Variants in CELSR1 observed in about 807,000 individuals in gnomAD.
The protein encoded by CELSR1 is adhesion G protein-coupled receptor C1.
In CELSR1, 110 loss-of-function variants were observed where a neutral mutation model predicts 249.1. That is an observed-to-expected ratio of 0.44 (90% CI 0.38 to 0.52). The LOEUF is 0.52. Ranked by LOEUF, CELSR1 falls within the 20% of genes least tolerant of loss-of-function variation. CELSR1 has a pLI of 0.00. For missense variants in CELSR1, 4,109 were observed against 4,296.4 expected (o/e 0.96, Z 1.22); for synonymous variants, 2,113 against 1,900.0 (o/e 1.11, Z -2.92).
chr22:46,415,502 C>T (rs2079389425), intron 5 of CELSR1, among the ~76,000 whole-genome samples: 1 of 152,088 alleles, frequency 6.6e-6, no homozygotes, highest in Admixed American at 6.6e-5. Context: ...TATTGGTTAA[C>T]TGATGGCATG....
chr22:46,521,556 C>G (rs1359326409), intron 1 of CELSR1, among the ~76,000 whole-genome samples: 1 of 151,812 alleles, frequency 6.6e-6, no homozygotes, highest in Admixed American at 6.6e-5. Context: ...TGGCTCACAC[C>G]TGTAATCCCA....
intron 30 of CELSR1, 37 bp from the exon 31 acceptor site, chr22:46,365,726 G>C: frequency 6.7e-7 from 1 of 1,498,814 alleles, no homozygotes; most frequent in Non-Finnish European, 9.1e-7. Flanking sequence ...AGTATCATCC[G>C]TCAGGGAACA....
In CELSR1 at chr22:46,364,496, CG is replaced by C; in HGVS notation, c.8779+15del. 10 of 1,600,808 alleles carry C rather than the reference CG, an allele frequency of 6.2e-6. No individual in the cohort carries two copies. Among genetic ancestry groups the C allele is most frequent in the Non-Finnish European group, 8.5e-6 (10 of 1,173,060 alleles). ...GTCCTCCAGCCTTTCACTGCAGCCCCGGCCTCCCCAGGCACCTTTCCTCTGC... is the reference window on the plus strand; with the variant it reads ...GTCCTCCAGCCTTTCACTGCAGCCCCGCCTCCCCAGGCACCTTTCCTCTGC... On this transcript the variant is annotated intron_variant, in intron 33 of 34. Coordinates refer to ENST00000674500, the MANE Select transcript of CELSR1 (RefSeq NM_001378328.1).
At chr22:46,404,025 C>G (rs561439741) in intron 9 of CELSR1, among the ~76,000 whole-genome samples, 1 of 150,652 alleles carries the variant, frequency 6.6e-6, no homozygotes, top group East Asian at 2.0e-4. Context: ...TAGATCTGGG[C>G]TGTAAACCAC....
At chr22:46,421,995 C>T (rs984668544) in intron 5 of CELSR1, among the ~76,000 whole-genome samples, 2 of 152,252 alleles carry the variant, frequency 1.3e-5, no homozygotes, top group African/African-American at 4.8e-5. Flanking sequence ...CCTGCATGGC[C>T]ACCTCCTTTA....
intron 20 of CELSR1, 133 bp downstream of exon 20, chr22:46,384,410 G>T: frequency 9.6e-7 from 1 of 1,045,228 alleles, no homozygotes; most frequent in Non-Finnish European, 1.3e-6. Flanking sequence ...AACAGGACCT[G>T]GCACCAGAGA....
chr22:46,430,511 T>C lies in CELSR1; in HGVS notation c.4611+2882A>G, dbSNP rs1019167681. On this transcript the variant is annotated intron_variant, in intron 5 of 34. Coordinates refer to ENST00000674500, the MANE Select transcript of CELSR1 (RefSeq NM_001378328.1). This position sits in a 1 kb window ranked among gnomAD's most constrained non-coding sequence, Gnocchi z 4.6. The stretch of plus-strand genomic sequence containing the variant: ...GCCCCAGCCCTGAGCCCCTCTCAAC[T>C]GGTCATGGCCCTGGACACCCCTCAT... Among the ~76,000 whole-genome samples, 2 of 152,010 alleles carry C rather than the reference T, an allele frequency of 1.3e-5. No homozygotes were observed. Among genetic ancestry groups the C allele is most frequent in the African/African-American group, 2.4e-5 (1 of 41,388 alleles).
At chr22:46,477,442 T>A (rs2080220590) in intron 1 of CELSR1, among the ~76,000 whole-genome samples, 1 of 151,848 alleles carries the variant, frequency 6.6e-6, no homozygotes, top group South Asian at 2.1e-4. Context: ...TGTTGGGGAG[T>A]GCCGGGAACT....
rs538511370 is a variant in CELSR1, at chr22:46,447,142, C to T, written c.4184-7731G>A. Among the ~76,000 whole-genome samples, 5 of 152,128 alleles carry T rather than the reference C, an allele frequency of 3.3e-5. No homozygotes were observed. The highest frequency in any genetic ancestry group is 2.0e-4 in the Admixed American group (3 of 15,282). On this transcript the variant is annotated intron_variant, in intron 2 of 34. Transcript: ENST00000674500. This position sits in a 1 kb window ranked among gnomAD's most constrained non-coding sequence, Gnocchi z 4.7. ...ACCCTCAGGGAGAATCCTGAATTGGCGGCATTTGTAAACACTCCCACCAAG... is the reference window on the plus strand; with the variant it reads ...ACCCTCAGGGAGAATCCTGAATTGGTGGCATTTGTAAACACTCCCACCAAG...
rs1477637775 is a variant in CELSR1 at position 46,396,528 on chromosome 22, A to T, written c.5843+77T>A. ...CACATATCTTTGGGTCAAAATAAGA[A>T]AGAGAAGACACTGAGTCGAGGGAAC... On this transcript the variant is annotated intron_variant, in intron 13 of 34. Coordinates refer to ENST00000674500, the MANE Select transcript of CELSR1 (RefSeq NM_001378328.1). The surrounding 1 kb of genome is among the most constrained non-coding windows in gnomAD (Gnocchi z 6.4). The T allele has an allele frequency of 4.4e-6, 6 of 1,370,510 alleles. No homozygotes were observed. In the African/African-American group the frequency reaches 9.0e-5, roughly 21 times the overall value. The allele number at this position is 1,370,510 out of a possible 1,614,324, so 84.9% of individuals were successfully genotyped here.
intron 2 of CELSR1, among the ~76,000 whole-genome samples, chr22:46,456,661 T>TAAAA (rs556357746): frequency 1.2e-4 from 7 of 60,270 alleles, no homozygotes; most frequent in African/African-American, 3.5e-4. Flanking sequence ...AGACTCTGTC[T>TAAAA]AAAAAAAAAA....
intron 1 of CELSR1, among the ~76,000 whole-genome samples, chr22:46,485,710 G>C (rs969321763): frequency 2.0e-5 from 3 of 152,154 alleles, no homozygotes; most frequent in African/African-American, 7.2e-5. Flanking sequence ...TTTGTGTGGC[G>C]GGGACCGTTG....
chr22:46,526,004 G>C lies in CELSR1; in HGVS notation c.3544+7623C>G, dbSNP rs1408051198. On this transcript the variant is annotated intron_variant, in intron 1 of 34. Coordinates refer to ENST00000674500, the MANE Select transcript of CELSR1 (RefSeq NM_001378328.1). The surrounding 1 kb of genome is among the most constrained non-coding windows in gnomAD (Gnocchi z 4.7). ...TTTCACCTGCCTGCTACTTCACCTAGACTTTTAAAAATGGTCTCTCAACAC... is the reference window on the plus strand; with the variant it reads ...TTTCACCTGCCTGCTACTTCACCTACACTTTTAAAAATGGTCTCTCAACAC... Among the ~76,000 whole-genome samples, 1 of 152,234 alleles carries C rather than the reference G, an allele frequency of 6.6e-6. No homozygotes were observed. Among genetic ancestry groups the C allele is most frequent in the Non-Finnish European group, 1.5e-5 (1 of 68,030 alleles).
Position 46,500,244 on chromosome 22 carries a change from A to T in CELSR1, c.3544+33383T>A, listed in dbSNP as rs1304233659. Among the ~76,000 whole-genome samples the T allele has an allele frequency of 6.6e-6, 1 of 151,932 alleles. No homozygotes were observed. Among genetic ancestry groups the T allele is most frequent in the Non-Finnish European group, 1.5e-5 (1 of 68,020 alleles). ...GGAAAGCTGGGCTCACGGTGTCTGCAGGACTCAAGGAAGGGACATAACTGC... is the reference window on the plus strand; with the variant it reads ...GGAAAGCTGGGCTCACGGTGTCTGCTGGACTCAAGGAAGGGACATAACTGC... On this transcript the variant is annotated intron_variant, in intron 1 of 34. Transcript: ENST00000674500. The surrounding 1 kb of genome is among the most constrained non-coding windows in gnomAD (Gnocchi z 4.9).
rs1490125713 is a variant in CELSR1, at chr22:46,518,496, A to C, written c.3544+15131T>G. Among the ~76,000 whole-genome samples, 2 of 152,228 alleles carry C rather than the reference A, an allele frequency of 1.3e-5. No homozygotes were observed. Among genetic ancestry groups the C allele is most frequent in the Non-Finnish European group, 2.9e-5 (2 of 68,034 alleles). On this transcript the variant is annotated intron_variant, in intron 1 of 34. Transcript: ENST00000674500. The surrounding 1 kb of genome is among the most constrained non-coding windows in gnomAD (Gnocchi z 5.2). ...GGCCTCGGTTATCTGATTTAACACGAAGAAACCAGTCACACACACAAACAT... is the reference window on the plus strand; with the variant it reads ...GGCCTCGGTTATCTGATTTAACACGCAGAAACCAGTCACACACACAAACAT...
At position 46,396,806 on chromosome 22, in the gene CELSR1, A is replaced by G. The variant is rs1056113129; in HGVS notation, c.5702-60T>C. 1.3e-5 allele frequency: 20 copies of G among 1,576,024 alleles called. No homozygotes were observed. The African/African-American group carries it at 1.5e-4, about 12-fold the overall frequency. ...AATCCACGAGACCTTCCACGTTAAA[A>G]TATCTGGAGCAACCTGTCCCCTCCA... On this transcript the variant is annotated intron_variant, in intron 12 of 34. Coordinates refer to ENST00000674500, the MANE Select transcript of CELSR1 (RefSeq NM_001378328.1). This position sits in a 1 kb window ranked among gnomAD's most constrained non-coding sequence, Gnocchi z 6.4.
intron 1 of CELSR1, among the ~76,000 whole-genome samples, chr22:46,494,652 G>A (rs1279406806): frequency 6.6e-6 from 1 of 152,056 alleles, no homozygotes; most frequent in Admixed American, 6.6e-5. Flanking sequence ...GGGATTACAG[G>A]CATGCCACCA....
At position 46,518,817 on chromosome 22, in the gene CELSR1, G is replaced by C. The variant is rs553350427; in HGVS notation, c.3544+14810C>G. Among the ~76,000 whole-genome samples the C allele has an allele frequency of 5.0e-4, 76 of 152,298 alleles. No individual in the cohort carries two copies. The highest frequency in any genetic ancestry group is 2.5e-3 in the Admixed American group (39 of 15,300). On this transcript the variant is annotated intron_variant, in intron 1 of 34. Coordinates refer to ENST00000674500, the MANE Select transcript of CELSR1 (RefSeq NM_001378328.1). This position sits in a 1 kb window ranked among gnomAD's most constrained non-coding sequence, Gnocchi z 5.2. ...GGAGGCCAAGGCGGGTGGATCACTT[G>C]AGGTCAGGAGTTCGAGACCAGCCTG...
chr22:46,454,158 CCAGGGA>C lies in CELSR1; in HGVS notation c.4183+9543_4183+9548del, dbSNP rs1431040156. 6.6e-6 allele frequency among the ~76,000 whole-genome samples: 1 copy of C among 152,052 alleles called. No individual in the cohort carries two copies. Among genetic ancestry groups the C allele is most frequent in the Non-Finnish European group, 1.5e-5 (1 of 67,994 alleles). Reference sequence around the variant, plus strand: ...GGGTCGGAGTGAGGTGAGGAAGGTGCCAGGGACTAAGGACCAGGTGGCCTCCAGCAG... The same window carrying C: ...GGGTCGGAGTGAGGTGAGGAAGGTGCCTAAGGACCAGGTGGCCTCCAGCAG... On this transcript the variant is annotated intron_variant, in intron 2 of 34. Transcript: ENST00000674500. The surrounding 1 kb of genome is among the most constrained non-coding windows in gnomAD (Gnocchi z 5.1).
Sources: allele counts gnomAD v4.1 joint callset (sites outside exome capture counted in the v4.1 genomes callset), GRCh38; gene constraint gnomAD v4.1.1; non-coding constraint Gnocchi (gnomAD v3.1); transcripts MANE v1.5; gene names NCBI Gene and HGNC (gene_info 2026-07-23, HGNC 2026-07-21).